LGR4: variants seen among roughly 807,000 people sequenced by gnomAD.
LGR4 encodes leucine rich repeat containing G protein-coupled receptor 4, also known as leucine-rich repeat-containing G protein-coupled receptor 4.
Under a neutral mutation model 84.8 loss-of-function variants are expected in LGR4, and 44 were observed. The observed-to-expected ratio is 0.52, with a 90% CI of 0.41 to 0.67. The LOEUF is 0.67. Among genes scored for constraint, LGR4 ranks in the 30% least tolerant of loss-of-function variants. The probability of loss-of-function intolerance (pLI) is 0.00; values close to 1 mark genes in which losing one functional copy is unlikely to be tolerated. For missense variants in LGR4, 1,032 were observed against 1,131.4 expected, an observed-to-expected ratio of 0.91 and a Z score of 1.26; for synonymous variants, 429 against 434.3, an observed-to-expected ratio of 0.99 and a Z score of 0.15.
At chr11:27,404,464 A>T (rs1409110363) in intron 2 of LGR4, among the ~76,000 whole-genome samples, 1 of 152,196 alleles carries the variant, frequency 6.6e-6, no homozygotes, top group Non-Finnish European at 1.5e-5. Context: ...TGTTCATTTC[A>T]GACTGGCCCA....
intron 1 of LGR4, among the ~76,000 whole-genome samples, chr11:27,462,113 G>A (rs1013483992): frequency 3.3e-5 from 5 of 152,016 alleles, no homozygotes; most frequent in South Asian, 4.2e-4. Context: ...GATTACAAGC[G>A]TGAGCCACAG....
chr11:27,407,442 AC>A (rs1293935930), intron 2 of LGR4, among the ~76,000 whole-genome samples: 1 of 152,064 alleles, frequency 6.6e-6, no homozygotes, highest in Non-Finnish European at 1.5e-5. Context: ...TAGGTTTTCC[AC>A]CTCTCTAAAG....
intron 13 of LGR4, 117 bp from the exon 14 acceptor site, chr11:27,374,163 A>T (rs563451742): frequency 1.4e-6 from 1 of 711,790 alleles, no homozygotes; most frequent in Non-Finnish European, 2.5e-6. Flanking sequence ...GATAACAAAG[A>T]TCTTCAATCT....
chr11:27,467,881 A>G (rs910261519), intron 1 of LGR4, among the ~76,000 whole-genome samples: 4 of 152,264 alleles, frequency 2.6e-5, no homozygotes, highest in Non-Finnish European at 5.9e-5. Context: ...TCACTTGTAT[A>G]TAAAACTAAT....
At position 27,384,380 on chromosome 11, in the gene LGR4, G is replaced by C; in HGVS notation, c.645C>G (p.Ser215Arg). 1 of 1,610,838 alleles carries C rather than the reference G, an allele frequency of 6.2e-7. No individual in the cohort carries two copies. Reference sequence around the variant, plus strand: ...GTCCATCAAAACAGTGTTGACTCAGGCTTCTAATTTTATTGTTATGAAGAT... The same window carrying C: ...GTCCATCAAAACAGTGTTGACTCAGCCTTCTAATTTTATTGTTATGAAGAT... ...VLHLHNNKIR[S>R]LSQHCFDGLD... Residue 215 changes from serine (S) to arginine (R), a missense_variant, in exon 6 of 18, where the codon AGC becomes AGG. Coordinates refer to ENST00000379214, the MANE Select transcript of LGR4 (RefSeq NM_018490.5).
intron 1 of LGR4, among the ~76,000 whole-genome samples, chr11:27,457,534 C>T (rs113311439): frequency 0.01 from 1,579 of 152,282 alleles, 21 homozygotes; most frequent in African/African-American, 0.036. Flanking sequence ...ACATACCATG[C>T]TAACAATATA....
intron 2 of LGR4, 77 bp from the exon 3 acceptor site, chr11:27,392,595 A>C: frequency 8.4e-7 from 1 of 1,195,096 alleles, no homozygotes; most frequent in Non-Finnish European, 1.2e-6. Context: ...CAAAAACCTA[A>C]TCTGTGATTA....
At chr11:27,412,083 A>G (rs1863721641) in intron 2 of LGR4, among the ~76,000 whole-genome samples, 1 of 152,140 alleles carries the variant, frequency 6.6e-6, no homozygotes, top group Non-Finnish European at 1.5e-5. Flanking sequence ...TTCTCAAAAT[A>G]TAATATATAG....
Position 27,446,850 on chromosome 11 carries a change from C to T in LGR4, c.185+25268G>A, listed in dbSNP as rs368650715. On this transcript the variant is annotated intron_variant, in intron 1 of 17. Coordinates refer to ENST00000379214, the MANE Select transcript of LGR4 (RefSeq NM_018490.5). ...CACATATACACCATGGAATACTATG[C>T]AGCCATAAAAAATGATGAGTTCATG... Among the ~76,000 whole-genome samples, 22 of 152,172 alleles carry T rather than the reference C, an allele frequency of 1.4e-4. No homozygotes were observed. In the East Asian group the frequency reaches 2.5e-3, roughly 17 times the overall value.
At chr11:27,385,206 A>C (rs1322604030) in intron 5 of LGR4, 47 bp downstream of exon 5, 1 of 1,297,922 alleles carries the variant, frequency 7.7e-7, no homozygotes, top group East Asian at 2.4e-5. Context: ...CTGTTTTTGT[A>C]CCCCAATTAA....
At position 27,367,762 on chromosome 11, in the gene LGR4, C is replaced by G; in HGVS notation, c.*105G>C. ...CACCTCTCCTTCTTCTAAGTGACAC[C>G]AGGCAGTGATTACAGAAGTGCTTCC... is the stretch of plus-strand genomic sequence containing the variant. On this transcript the variant is annotated 3_prime_UTR_variant, in exon 18 of 18. Transcript: ENST00000379214. 1 of 772,294 alleles carries G rather than the reference C, an allele frequency of 1.3e-6. No homozygotes were observed. The highest frequency in any genetic ancestry group is 2.6e-5 in the Admixed American group (1 of 37,796). The allele number at this position is 772,294 out of a possible 1,614,324, so 47.8% of individuals were successfully genotyped here.
At chr11:27,403,326 T>A (rs1381549633) in intron 2 of LGR4, among the ~76,000 whole-genome samples, 1 of 152,122 alleles carries the variant, frequency 6.6e-6, no homozygotes, top group Non-Finnish European at 1.5e-5. Context: ...CTGGGCATGG[T>A]GGCATGTGCC....
chr11:27,394,051 C>T (rs765027954), intron 2 of LGR4, among the ~76,000 whole-genome samples: 2 of 151,476 alleles, frequency 1.3e-5, no homozygotes, highest in Non-Finnish European at 1.5e-5. Flanking sequence ...ATAACAATGC[C>T]GGATTCTCAG....
chr11:27,422,889 C>T (rs114852659), intron 1 of LGR4, among the ~76,000 whole-genome samples: 2,160 of 152,202 alleles, frequency 0.014, 53 homozygotes, highest in African/African-American at 0.049. Flanking sequence ...GAATTTCTTA[C>T]ACTTCTATTT....
intron 1 of LGR4, among the ~76,000 whole-genome samples, chr11:27,442,748 G>C (rs1293553123): frequency 6.6e-6 from 1 of 152,138 alleles, no homozygotes; most frequent in Non-Finnish European, 1.5e-5. Context: ...TTCTATTCTA[G>C]ACAAATGAAG....
At chr11:27,450,271 C>G (rs893258492) in intron 1 of LGR4, among the ~76,000 whole-genome samples, 1 of 152,172 alleles carries the variant, frequency 6.6e-6, no homozygotes, top group African/African-American at 2.4e-5. Context: ...TTCAACAAGC[C>G]TTATAAATTG....
At chr11:27,439,902 T>C (rs942233673) in intron 1 of LGR4, among the ~76,000 whole-genome samples, 2 of 94,190 alleles carry the variant, frequency 2.1e-5, no homozygotes, top group Non-Finnish European at 4.2e-5. Flanking sequence ...AGGATTTCTC[T>C]TTTTTTTTTT....
intron 1 of LGR4, among the ~76,000 whole-genome samples, chr11:27,430,072 G>T (rs556591342): frequency 4.6e-5 from 7 of 152,164 alleles, no homozygotes; most frequent in African/African-American, 1.4e-4. Context: ...ACTCCGGTAT[G>T]GTTCATTCTA....
chr11:27,471,321 T>G (rs1590421196), intron 1 of LGR4, among the ~76,000 whole-genome samples: 2 of 152,254 alleles, frequency 1.3e-5, no homozygotes, highest in African/African-American at 2.4e-5. Context: ...AGAAACCTGC[T>G]GCTACCTTGC....
Sources: gnomAD v4.1 joint callset for allele counts (sites outside exome capture counted in the v4.1 genomes callset) on GRCh38, gnomAD v4.1.1 for gene constraint, MANE v1.5 for transcripts, NCBI Gene and HGNC (gene_info 2026-07-23, HGNC 2026-07-21) for gene names.